The following GRIN2B variants were observed in gnomAD, a reference collection of about 807,000 sequenced individuals.
The protein encoded by GRIN2B is glutamate ionotropic receptor NMDA type subunit 2B.
A neutral mutation model predicts 114.5 loss-of-function variants in GRIN2B; 5 were observed. That is an observed-to-expected ratio of 0.04 (90% CI 0.02 to 0.09). The LOEUF is 0.09. Among genes scored for constraint, GRIN2B ranks in the 10% least tolerant of loss-of-function variants. The pLI, the probability that GRIN2B is intolerant of heterozygous loss-of-function variation, is 1.00. For synonymous variants in GRIN2B, 787 were observed against 745.1 expected, an observed-to-expected ratio of 1.06 and a Z score of -0.92; for missense variants, 1,108 against 1,943.5, an observed-to-expected ratio of 0.57 and a Z score of 8.08.
At chr12:13,646,086 G>T (rs1001703973) in intron 5 of GRIN2B, among the ~76,000 whole-genome samples, 2 of 152,208 alleles carry the variant, frequency 1.3e-5, no homozygotes, top group African/African-American at 2.4e-5. Context: ...GTCTACAACA[G>T]CTGCTACCTG....
chr12:13,962,420 T>C (rs1867710898), intron 2 of GRIN2B, among the ~76,000 whole-genome samples: 1 of 152,210 alleles, frequency 6.6e-6, no homozygotes, highest in Non-Finnish European at 1.5e-5. Context: ...TCAATTCAGA[T>C]TTTAGAAAAT....
chr12:13,732,271 C>T (rs1394515365), intron 4 of GRIN2B, among the ~76,000 whole-genome samples: 3 of 152,044 alleles, frequency 2.0e-5, no homozygotes, highest in Non-Finnish European at 4.4e-5. Context: ...TAGCTTGTTG[C>T]CTTTCAAAAG....
Position 13,548,810 on chromosome 12 carries a change from C to G in GRIN2B, c.*13973G>C, listed in dbSNP as rs1015239289. 1 of 152,002 alleles carries G rather than the reference C, an allele frequency of 6.6e-6. No individual in the cohort carries two copies. The highest frequency in any genetic ancestry group is 1.5e-5 in the Non-Finnish European group (1 of 68,008). The allele number at this position is 152,002 out of a possible 1,614,324, so 9.4% of individuals were successfully genotyped here. A position where few individuals can be genotyped will look rare whatever the true frequency, so the allele number is the denominator to read the frequency against. On this transcript the variant is annotated 3_prime_UTR_variant, in exon 14 of 14. Coordinates refer to ENST00000609686, the MANE Select transcript of GRIN2B (RefSeq NM_000834.5). ...TAGTCTAGTGCCCACCTCCTCCCCC[C>G]ATCTTCATGCATGGGAATAAAAGCT...
At chr12:13,616,301 A>G (rs1949439477) in intron 6 of GRIN2B, among the ~76,000 whole-genome samples, 154 bp downstream of exon 6, 1 of 152,154 alleles carries the variant, frequency 6.6e-6, no homozygotes, top group African/African-American at 2.4e-5. Flanking sequence ...ACATCAGACC[A>G]GAGGGCTGCC....
chr12:13,572,267 T>A (rs1362599121), intron 10 of GRIN2B, among the ~76,000 whole-genome samples: 3 of 152,174 alleles, frequency 2.0e-5, no homozygotes. Flanking sequence ...ACAATACCAG[T>A]GTTGATGGGC....
At chr12:13,662,022 C>T (rs1419068427) in intron 5 of GRIN2B, among the ~76,000 whole-genome samples, 1 of 152,032 alleles carries the variant, frequency 6.6e-6, no homozygotes, top group East Asian at 1.9e-4. Flanking sequence ...AAGTAATTTC[C>T]GTAACAGCTG....
rs1207325345 is a variant in GRIN2B at position 13,700,306 on chromosome 12, A to G, written c.1011-24447T>C. Among the ~76,000 whole-genome samples, 4 of 152,158 alleles carry G rather than the reference A, an allele frequency of 2.6e-5. No individual in the cohort carries two copies. The East Asian group carries it at 5.8e-4, about 22-fold the overall frequency. On this transcript the variant is annotated intron_variant, in intron 4 of 13. Transcript: ENST00000609686. ...ATTTCGCTAACTGTGGAATTTTTCTACTACAATGAGAACATAACGAAAAAC... is the reference window on the plus strand; with the variant it reads ...ATTTCGCTAACTGTGGAATTTTTCTGCTACAATGAGAACATAACGAAAAAC...
At chr12:13,681,532 ACT>A (rs145823208) in intron 4 of GRIN2B, among the ~76,000 whole-genome samples, 6,136 of 152,064 alleles carry the variant, frequency 0.04, 395 homozygotes, top group African/African-American at 0.14. Flanking sequence ...AAAAGCTGTA[ACT>A]CTGTAACTTT....
intron 3 of GRIN2B, among the ~76,000 whole-genome samples, chr12:13,762,299 A>T (rs573814437): frequency 6.6e-6 from 1 of 152,306 alleles, no homozygotes; most frequent in Admixed American, 6.5e-5. Flanking sequence ...CACCGCGCCC[A>T]GCCATCATTT....
intron 2 of GRIN2B, among the ~76,000 whole-genome samples, chr12:13,898,610 GCAAA>G (rs1195200857): frequency 1.3e-5 from 2 of 152,118 alleles, no homozygotes; most frequent in Admixed American, 1.3e-4. Context: ...ATTCTCTAGT[GCAAA>G]AAATGACGAC....
intron 4 of GRIN2B, among the ~76,000 whole-genome samples, chr12:13,695,879 C>T (rs1950255182): frequency 6.6e-6 from 1 of 151,964 alleles, no homozygotes; most frequent in Non-Finnish European, 1.5e-5. Context: ...TGATTGCATG[C>T]TGGAGAATAA....
At chr12:13,627,130 G>A (rs542690438) in intron 5 of GRIN2B, among the ~76,000 whole-genome samples, 1 of 152,202 alleles carries the variant, frequency 6.6e-6, no homozygotes, top group African/African-American at 2.4e-5. Context: ...CTGACCTATG[G>A]AAGGAGAGAA....
At chr12:13,686,715 C>A (rs1950176715) in intron 4 of GRIN2B, among the ~76,000 whole-genome samples, 1 of 152,124 alleles carries the variant, frequency 6.6e-6, no homozygotes, top group Admixed American at 6.6e-5. Flanking sequence ...CCCTTGTAAT[C>A]TTTGCTTTTG....
chr12:13,880,649 T>C (rs1341504416), intron 2 of GRIN2B, among the ~76,000 whole-genome samples: 2 of 152,200 alleles, frequency 1.3e-5, no homozygotes, highest in Non-Finnish European at 2.9e-5. Flanking sequence ...TTTATAATGA[T>C]TAAGAAACTG....
chr12:13,591,549 C>T (rs1949009403), intron 10 of GRIN2B, among the ~76,000 whole-genome samples: 1 of 152,140 alleles, frequency 6.6e-6, no homozygotes, highest in Admixed American at 6.6e-5. Flanking sequence ...AGCTTCTTGT[C>T]TTAGTTTTCT....
At chr12:13,643,945 C>T (rs1421097561) in intron 5 of GRIN2B, among the ~76,000 whole-genome samples, 1 of 152,098 alleles carries the variant, frequency 6.6e-6, no homozygotes, top group African/African-American at 2.4e-5. Context: ...GTTAACTCCT[C>T]CACTGAAGTC....
chr12:13,550,780 GA>G lies in GRIN2B; in HGVS notation c.*12002del, dbSNP rs1183044367. ...GCTAGACTGATTGGGCTCGAGTTTG[GA>G]AACATTAAGTACCATGCACGTGTTC... On this transcript the variant is annotated 3_prime_UTR_variant, in exon 14 of 14. Coordinates refer to ENST00000609686, the MANE Select transcript of GRIN2B (RefSeq NM_000834.5). 1.3e-5 allele frequency: 2 copies of G among 152,164 alleles called. No individual in the cohort carries two copies. The highest frequency in any genetic ancestry group is 2.9e-5 in the Non-Finnish European group (2 of 68,030). The allele number at this position is 152,164 out of a possible 1,614,324, so 9.4% of individuals were successfully genotyped here. A position where few individuals can be genotyped will look rare whatever the true frequency, so the allele number is the denominator to read the frequency against.
intron 2 of GRIN2B, among the ~76,000 whole-genome samples, chr12:13,917,021 G>A (rs569288318): frequency 2.6e-5 from 4 of 152,098 alleles, no homozygotes; most frequent in South Asian, 2.1e-4. Context: ...AAAGGAACAC[G>A]GGAAGAAAGG....
intron 5 of GRIN2B, among the ~76,000 whole-genome samples, chr12:13,633,103 C>A (rs2136499052): frequency 6.6e-6 from 1 of 152,324 alleles, no homozygotes. Context: ...AAAGGGAAGT[C>A]ACATAAAGTC....
Sources: gnomAD v4.1 joint callset for allele counts (sites outside exome capture counted in the v4.1 genomes callset) on GRCh38, gnomAD v4.1.1 for gene constraint, MANE v1.5 for transcripts, NCBI Gene and HGNC (gene_info 2026-07-23, HGNC 2026-07-21) for gene names.